Variants in RASAL1 observed in about 807,000 individuals in gnomAD.
RASAL1 encodes the protein RAS protein activator like 1.
In RASAL1, 72 loss-of-function variants were observed where a neutral mutation model predicts 96.6. The observed-to-expected ratio is 0.75, with a 90% CI of 0.62 to 0.91. The LOEUF (loss-of-function observed/expected upper bound fraction) is 0.91, where lower values mean the gene tolerates loss of function less well. Among genes scored for constraint, RASAL1 ranks in the 40% least tolerant of loss-of-function variants. The pLI, the probability that RASAL1 is intolerant of heterozygous loss-of-function variation, is 0.00. For synonymous variants in RASAL1, 405 were observed against 430.4 expected, an observed-to-expected ratio of 0.94 and a Z score of 0.73; for missense variants, 1,016 against 1,072.5, an observed-to-expected ratio of 0.95 and a Z score of 0.74.
intron 18 of RASAL1, 114 bp downstream of exon 18, chr12:113,103,832 A>C: frequency 7.4e-7 from 1 of 1,348,726 alleles, no homozygotes; most frequent in South Asian, 1.2e-5. Context: ...AGACTGAGGC[A>C]TAGAGAGGTT....
At chr12:113,123,480 A>C (rs1393131774) in intron 4 of RASAL1, among the ~76,000 whole-genome samples, 1 of 152,200 alleles carries the variant, frequency 6.6e-6, no homozygotes, top group Non-Finnish European at 1.5e-5. Flanking sequence ...TCCAAGTTTT[A>C]GTCTCTTTGT....
Position 113,114,679 on chromosome 12 carries a change from G to A in RASAL1, c.1181+121C>T, listed in dbSNP as rs962982904. On this transcript the variant is annotated intron_variant, in intron 12 of 20. Transcript: ENST00000548055. ...GTGTGAGGCTTTCAGCTCAGCCACCGAGCTCCTGAGCAGCTGTAGCCCCAG... is the reference window on the plus strand; with the variant it reads ...GTGTGAGGCTTTCAGCTCAGCCACCAAGCTCCTGAGCAGCTGTAGCCCCAG... The A allele has an allele frequency of 1.1e-4, 83 of 777,394 alleles. 1 individual carries two copies. The highest frequency in any genetic ancestry group is 1.1e-3 in the South Asian group (69 of 65,346). 48.2% of individuals were successfully genotyped at this position (777,394 alleles called of 1,614,324 possible). A position where few individuals can be genotyped will look rare whatever the true frequency, so the allele number is the denominator to read the frequency against.
At chr12:113,101,684 C>G (rs1950448765) in intron 19 of RASAL1, among the ~76,000 whole-genome samples, 1 of 121,684 alleles carries the variant, frequency 8.2e-6, no homozygotes, top group African/African-American at 2.7e-5. Context: ...TCCCAAGACC[C>G]AGTTCTGCAT....
Position 113,129,947 on chromosome 12 carries a change from G to A in RASAL1, c.122+938C>T, listed in dbSNP as rs1416648913. On this transcript the variant is annotated intron_variant, in intron 2 of 20. Coordinates refer to ENST00000548055, the MANE Select transcript of RASAL1 (RefSeq NM_001301202.2). The surrounding 1 kb of genome is among the most constrained non-coding windows in gnomAD (Gnocchi z 5.0). ...CAGAAAATCAATCTGTGGGTTTGGG[G>A]TGGTGTCAGGGAATGTATCAAGGGG... Among the ~76,000 whole-genome samples the A allele has an allele frequency of 6.6e-6, 1 of 152,200 alleles. No homozygotes were observed. The highest frequency in any genetic ancestry group is 1.5e-5 in the Non-Finnish European group (1 of 68,028).
chr12:113,116,938 A>G, intron 8 of RASAL1, 135 bp downstream of exon 8: 1 of 650,226 alleles, frequency 1.5e-6, no homozygotes, highest in Non-Finnish European at 2.5e-6. Context: ...GACATTCCAT[A>G]GACAGTTGTT....
intron 16 of RASAL1, 104 bp from the exon 17 acceptor site, chr12:113,104,402 C>G (rs113425247): frequency 8.4e-7 from 1 of 1,195,872 alleles, no homozygotes; most frequent in Non-Finnish European, 1.2e-6. Flanking sequence ...TTCCCAGCGG[C>G]GGGACATTCA....
chr12:113,115,816 C>A lies in RASAL1; in HGVS notation c.850-28G>T. On this transcript the variant is annotated intron_variant, in intron 9 of 20. Transcript: ENST00000548055. The surrounding 1 kb of genome is among the most constrained non-coding windows in gnomAD (Gnocchi z 4.1). ...GGGTGGGGGCGGGAGACAAAGATGA[C>A]CTCGGCCCCTGGGACCCCAAAGCAG... 6.2e-7 allele frequency: 1 copy of A among 1,612,690 alleles called. No individual in the cohort carries two copies. The highest frequency in any genetic ancestry group is 1.7e-5 in the Admixed American group (1 of 59,940).
At chr12:113,104,541 G>A (rs183028028) in intron 16 of RASAL1, among the ~76,000 whole-genome samples, 5 of 152,012 alleles carry the variant, frequency 3.3e-5, no homozygotes, top group African/African-American at 9.7e-5. Flanking sequence ...TCGCTCTGCC[G>A]CCCAGGCTGG....
rs1384368186 is a variant in RASAL1, at chr12:113,107,089, G to C, written c.1657+8C>G. 1 of 1,608,204 alleles carries C rather than the reference G, an allele frequency of 6.2e-7. No individual in the cohort carries two copies. Among genetic ancestry groups the C allele is most frequent in the South Asian group, 1.1e-5 (1 of 89,906 alleles). ...GAAGCCAGATGTGGCCGGACCACAG[G>C]AACTCACCTTCATCCCCATCCACAT... On this transcript the variant is annotated splice_region_variant and intron_variant, in intron 15 of 20. Coordinates refer to ENST00000548055, the MANE Select transcript of RASAL1 (RefSeq NM_001301202.2).
chr12:113,118,825 G>T (rs138458660), intron 7 of RASAL1, among the ~76,000 whole-genome samples: 2 of 152,274 alleles, frequency 1.3e-5, no homozygotes, highest in African/African-American at 4.8e-5. Context: ...AAGTAATGAG[G>T]CTCTGTGGGA....
rs760554385 is a variant in RASAL1, at chr12:113,104,064, G to A, written c.1986C>T (p.Asn662=). The A allele has an allele frequency of 2.1e-5, 32 of 1,517,052 alleles. No individual in the cohort carries two copies. Among genetic ancestry groups the A allele is most frequent in the Non-Finnish European group, 2.9e-5 (32 of 1,120,814 alleles). The allele number at this position is 1,517,052 out of a possible 1,614,324, so 94.0% of individuals were successfully genotyped here. A position where few individuals can be genotyped will look rare whatever the true frequency, so the allele number is the denominator to read the frequency against. Residue 662 remains asparagine, a synonymous_variant, in exon 18 of 21, where the codon AAC becomes AAT. Transcript: ENST00000548055. ...CCTTGCGCAAGGCCGAGAGCCACTGGTTGAGCTCATTCACATTCTGCAGCG... is the reference window on the plus strand; with the variant it reads ...CCTTGCGCAAGGCCGAGAGCCACTGATTGAGCTCATTCACATTCTGCAGCG... The part of the protein sequence containing the change: ...YLQCKNVNEL[N]QWLSALRKAS...
chr12:113,133,600 T>C (rs1468577600), intron 1 of RASAL1, among the ~76,000 whole-genome samples: 1 of 152,108 alleles, frequency 6.6e-6, no homozygotes, highest in African/African-American at 2.4e-5. Context: ...AACCTGGCAA[T>C]GCTTTAGGCA....
rs1950627172 is a variant in RASAL1 at position 113,105,861 on chromosome 12, C to T, written c.1683G>A (p.Leu561=). Residue 561 remains leucine (L), a synonymous_variant, in exon 16 of 21, where the codon CTG becomes CTA. Transcript: ENST00000548055. ...DEEAGVPARA[L]FPPSAIVREG... ...CTCGAACAATGGCCGAGGGCGGGAACAGGGCCCTGGCTGGGACACCAGCTT... is the reference window on the plus strand; with the variant it reads ...CTCGAACAATGGCCGAGGGCGGGAATAGGGCCCTGGCTGGGACACCAGCTT... 2 of 1,613,836 alleles carry T rather than the reference C, an allele frequency of 1.2e-6. No individual in the cohort carries two copies. Among genetic ancestry groups the T allele is most frequent in the Non-Finnish European group, 1.7e-6 (2 of 1,179,926 alleles).
rs544564905 is a variant in RASAL1, at chr12:113,102,516, C to T, written c.2105-507G>A. ...CAGATTGCAGTGAGCTAAGATTGCA[C>T]CAGTGCATTCTAGCCTGGGCAAAAG... On this transcript the variant is annotated intron_variant, in intron 18 of 20. Coordinates refer to ENST00000548055, the MANE Select transcript of RASAL1 (RefSeq NM_001301202.2). Among the ~76,000 whole-genome samples the T allele has an allele frequency of 2.0e-5, 3 of 152,302 alleles. No homozygotes were observed. The South Asian group carries it at 6.2e-4, about 32-fold the overall frequency.
chr12:113,115,152 G>T lies in RASAL1; in HGVS notation c.1068+48C>A, dbSNP rs200100020. On this transcript the variant is annotated intron_variant, in intron 11 of 20. Coordinates refer to ENST00000548055, the MANE Select transcript of RASAL1 (RefSeq NM_001301202.2). The surrounding 1 kb of genome is among the most constrained non-coding windows in gnomAD (Gnocchi z 4.1). ...GGAGCCAGGTAGGCACTGGGAAGGAGGTACCCGAGGAAGCTGCGCCTGGTC... is the reference window on the plus strand; with the variant it reads ...GGAGCCAGGTAGGCACTGGGAAGGATGTACCCGAGGAAGCTGCGCCTGGTC... 2.6e-5 allele frequency: 40 copies of T among 1,541,988 alleles called. No homozygotes were observed. The East Asian group carries it at 8.3e-4, about 32-fold the overall frequency.
chr12:113,120,953 TC>T (rs776864779), intron 5 of RASAL1, among the ~76,000 whole-genome samples: 14 of 152,158 alleles, frequency 9.2e-5, no homozygotes, highest in Non-Finnish European at 1.8e-4. Flanking sequence ...TAAAAATTAA[TC>T]CCAGGACATT....
At position 113,127,818 on chromosome 12, in the gene RASAL1, G is replaced by A. The variant is rs145166265; in HGVS notation, c.292C>T (p.Pro98Ser). ...GCCCATGTCCCTCGCCCACCTCGGG[G>A]GTCGGCTGTAATCGCCTCCCTGCTC... ...SLSREAITADPRGIDSWINLS... is the reference protein window; with the variant it reads ...SLSREAITADSRGIDSWINLS... Residue 98 changes from proline to serine, a missense_variant, in exon 4 of 21, where the codon CCC becomes TCC. Physicochemically the swap from Pro to Ser is moderately conservative, Grantham distance 74. Coordinates refer to ENST00000548055, the MANE Select transcript of RASAL1 (RefSeq NM_001301202.2). 1.2e-6 allele frequency: 2 copies of A among 1,611,732 alleles called. No homozygotes were observed. Among genetic ancestry groups the A allele is most frequent in the Non-Finnish European group, 1.7e-6 (2 of 1,178,070 alleles).
chr12:113,108,138 G>A lies in RASAL1; in HGVS notation c.1459C>T (p.Arg487Trp), dbSNP rs754455277. The change falls in exon 14 of 21, where the codon CGG (arginine) becomes TGG (tryptophan). Residue 487 changes from arginine to tryptophan, a missense_variant. Physicochemically the swap from Arg to Trp is moderately radical, Grantham distance 101. Coordinates refer to ENST00000548055, the MANE Select transcript of RASAL1 (RefSeq NM_001301202.2). Reference protein sequence around the residue: ...AILTPKLFDLRDQHADPQTSR... With the variant: ...AILTPKLFDLWDQHADPQTSR... ...GTCTGGGGGTCCGCGTGTTGGTCCC[G>A]AAGGTCAAACAGCTTTGGGGTAAGG... The A allele has an allele frequency of 4.3e-6, 7 of 1,613,688 alleles. No individual in the cohort carries two copies. The highest frequency in any genetic ancestry group is 5.9e-6 in the Non-Finnish European group (7 of 1,179,914).
At chr12:113,120,327 G>C (rs1189849384) in intron 5 of RASAL1, among the ~76,000 whole-genome samples, 1 of 152,190 alleles carries the variant, frequency 6.6e-6, no homozygotes, top group Non-Finnish European at 1.5e-5. Flanking sequence ...AAGGGGCCAT[G>C]GGCTCAAGGA....
Sources: gnomAD v4.1 joint callset for allele counts (sites outside exome capture counted in the v4.1 genomes callset) on GRCh38, gnomAD v4.1.1 for gene constraint, Gnocchi (gnomAD v3.1) non-coding constraint, MANE v1.5 for transcripts, NCBI Gene and HGNC (gene_info 2026-07-23, HGNC 2026-07-21) for gene names.